PLXDC2: variants seen among roughly 807,000 people sequenced by gnomAD.
PLXDC2 encodes the protein plexin domain-containing protein 2.
Under a neutral mutation model 68.9 loss-of-function variants are expected in PLXDC2, and 40 were observed. The ratio of observed to expected loss-of-function variants is 0.58; its 90% CI spans 0.45 to 0.76. PLXDC2 has a LOEUF of 0.76. PLXDC2 is among the 30% of genes least tolerant of loss of function. The probability of loss-of-function intolerance (pLI) is 0.00; values close to 1 mark genes in which losing one functional copy is unlikely to be tolerated. For missense variants in PLXDC2, 644 were observed against 661.9 expected (o/e 0.97, Z 0.30); for synonymous variants, 243 against 234.2 (o/e 1.04, Z -0.34).
At chr10:19,825,902 C>A (rs968333627) in intron 1 of PLXDC2, among the ~76,000 whole-genome samples, 3 of 152,176 alleles carry the variant, frequency 2.0e-5, no homozygotes, top group Non-Finnish European at 4.4e-5. Flanking sequence ...CACTCACCTT[C>A]CTGTGGGCAT....
chr10:19,962,638 C>T (rs1168138003), intron 1 of PLXDC2, among the ~76,000 whole-genome samples: 6 of 145,964 alleles, frequency 4.1e-5, no homozygotes, highest in Non-Finnish European at 9.0e-5. Flanking sequence ...GATCCGCCTG[C>T]CTCGGCCTCC....
At chr10:19,924,626 A>C (rs1330614646) in intron 1 of PLXDC2, among the ~76,000 whole-genome samples, 1 of 152,226 alleles carries the variant, frequency 6.6e-6, no homozygotes, top group South Asian at 2.1e-4. Context: ...GAGTTAAAAA[A>C]TAGATATAAA....
intron 9 of PLXDC2, among the ~76,000 whole-genome samples, chr10:20,201,869 T>G (rs572153345): frequency 6.6e-6 from 1 of 152,230 alleles, no homozygotes; most frequent in South Asian, 2.1e-4. Flanking sequence ...AATTGAGTAA[T>G]TCATTGGTAC....
intron 4 of PLXDC2, among the ~76,000 whole-genome samples, chr10:20,118,779 T>C (rs1227088994): frequency 8.5e-5 from 13 of 152,230 alleles, no homozygotes; most frequent in Non-Finnish European, 1.5e-5. Flanking sequence ...TAGGTTTCTT[T>C]CATTATTTAT....
intron 1 of PLXDC2, among the ~76,000 whole-genome samples, chr10:19,861,946 G>A (rs1837327023): frequency 1.3e-5 from 2 of 152,088 alleles, no homozygotes; most frequent in Non-Finnish European, 2.9e-5. Context: ...TTAACAAGTA[G>A]GATTGATTTC....
chr10:20,000,775 G>A lies in PLXDC2; in HGVS notation c.113-1000G>A, dbSNP rs535878398. ...TCTTAGAATGTTCTTGTACCAAGGGGAACATAATGGCTGTAATTAAATCAC... is the reference window on the plus strand; with the variant it reads ...TCTTAGAATGTTCTTGTACCAAGGGAAACATAATGGCTGTAATTAAATCAC... On this transcript the variant is annotated intron_variant, in intron 1 of 13. Coordinates refer to ENST00000377252, the MANE Select transcript of PLXDC2 (RefSeq NM_032812.9). 3.0e-4 allele frequency among the ~76,000 whole-genome samples: 45 copies of A among 152,222 alleles called. No homozygotes were observed. The South Asian group carries it at 8.1e-3, about 27-fold the overall frequency.
intron 12 of PLXDC2, among the ~76,000 whole-genome samples, chr10:20,243,260 T>C (rs1035500115): frequency 6.6e-5 from 10 of 152,136 alleles, no homozygotes; most frequent in Non-Finnish European, 1.3e-4. Flanking sequence ...TTTTTAATTA[T>C]CCTGTGCCTC....
chr10:20,138,744 C>G (rs1833964783), intron 4 of PLXDC2, among the ~76,000 whole-genome samples: 1 of 152,076 alleles, frequency 6.6e-6, no homozygotes, highest in South Asian at 2.1e-4. Flanking sequence ...GAAACCATGT[C>G]TCTACTAAAA....
intron 1 of PLXDC2, among the ~76,000 whole-genome samples, chr10:19,933,094 G>A (rs1833667241): frequency 6.6e-6 from 1 of 152,156 alleles, no homozygotes; most frequent in African/African-American, 2.4e-5. Flanking sequence ...AGTTAGGCCT[G>A]GGTTAGACTT....
chr10:20,204,578 G>A (rs537423036), intron 9 of PLXDC2, among the ~76,000 whole-genome samples: 1 of 152,192 alleles, frequency 6.6e-6, no homozygotes, highest in South Asian at 2.1e-4. Context: ...TAAATCACCA[G>A]ATAATTCGAT....
chr10:19,896,223 T>C (rs1466667561), intron 1 of PLXDC2, among the ~76,000 whole-genome samples: 1 of 152,218 alleles, frequency 6.6e-6, no homozygotes, highest in Admixed American at 6.5e-5. Context: ...AAACACAGCC[T>C]TGGCTTTGTA....
intron 4 of PLXDC2, among the ~76,000 whole-genome samples, chr10:20,107,528 A>G (rs552634450): frequency 6.6e-6 from 1 of 152,272 alleles, no homozygotes; most frequent in Non-Finnish European, 1.5e-5. Flanking sequence ...TTTGTTTTTA[A>G]TTGTAATCAA....
At chr10:20,010,234 G>C (rs1036458263) in intron 2 of PLXDC2, among the ~76,000 whole-genome samples, 8 of 152,158 alleles carry the variant, frequency 5.3e-5, no homozygotes, top group African/African-American at 1.9e-4. Flanking sequence ...GCCAAAGGTT[G>C]TGTTAACCGA....
chr10:19,839,607 A>G (rs1184546469), intron 1 of PLXDC2, among the ~76,000 whole-genome samples: 1 of 150,900 alleles, frequency 6.6e-6, no homozygotes, highest in African/African-American at 2.4e-5. Flanking sequence ...TGTAAAATCA[A>G]ATGATAATGC....
intron 13 of PLXDC2, among the ~76,000 whole-genome samples, chr10:20,260,745 AT>A (rs916490760): frequency 6.6e-6 from 1 of 152,178 alleles, no homozygotes; most frequent in Non-Finnish European, 1.5e-5. Flanking sequence ...TGGTACTTCT[AT>A]TTTTAATTTT....
intron 12 of PLXDC2, among the ~76,000 whole-genome samples, chr10:20,225,935 C>A (rs1835280499): frequency 1.3e-5 from 2 of 152,242 alleles, no homozygotes; most frequent in South Asian, 4.1e-4. Flanking sequence ...AATGCATATG[C>A]TGATATGGTA....
chr10:19,816,976 C>T lies in PLXDC2; in HGVS notation c.-104C>T. 1 of 813,512 alleles carries T rather than the reference C, an allele frequency of 1.2e-6. No homozygotes were observed. 50.4% of individuals were successfully genotyped at this position (813,512 alleles called of 1,614,324 possible). On this transcript the variant is annotated 5_prime_UTR_variant, in exon 1 of 14. Transcript: ENST00000377252. ...ATTTACAAAGGCCTCCGGGTCCTAC[C>T]GAGACCGATCCGCAGCGTTTGGCCC...
intron 6 of PLXDC2, among the ~76,000 whole-genome samples, chr10:20,156,264 C>T (rs573220576): frequency 6.6e-6 from 1 of 152,292 alleles, no homozygotes; most frequent in African/African-American, 2.4e-5. Flanking sequence ...AGTTCAGACT[C>T]TTCGTGTTCC....
At chr10:19,952,546 T>G (rs1209263639) in intron 1 of PLXDC2, among the ~76,000 whole-genome samples, 1 of 152,208 alleles carries the variant, frequency 6.6e-6, no homozygotes, top group Non-Finnish European at 1.5e-5. Context: ...GGAGTTGAAA[T>G]GCAGGAAATT....
Sources: gnomAD v4.1 joint callset for allele counts (sites outside exome capture counted in the v4.1 genomes callset) on GRCh38, gnomAD v4.1.1 for gene constraint, MANE v1.5 for transcripts, NCBI Gene and HGNC (gene_info 2026-07-23, HGNC 2026-07-21) for gene names.